Variants in TMEM117 observed in about 807,000 individuals in gnomAD.
TMEM117 encodes transmembrane protein 117.
TMEM117 carries 27 observed loss-of-function variants against 52.4 expected under a neutral mutation model. The observed-to-expected ratio is 0.51, with a 90% CI of 0.38 to 0.71. TMEM117 has a LOEUF of 0.71. Among genes scored for constraint, TMEM117 ranks in the 30% least tolerant of loss-of-function variants. The pLI is 0.00. For missense variants in TMEM117, 556 were observed against 630.5 expected (o/e 0.88, Z 1.26); for synonymous variants, 215 against 206.3 (o/e 1.04, Z -0.36).
At chr12:44,118,998 C>T (rs1948190910) in intron 3 of TMEM117, among the ~76,000 whole-genome samples, 1 of 152,142 alleles carries the variant, frequency 6.6e-6, no homozygotes, top group Admixed American at 6.5e-5. Context: ...TATTTTAGCT[C>T]ATCTGTACTC....
chr12:44,177,148 A>G (rs993064421), intron 4 of TMEM117, among the ~76,000 whole-genome samples: 1 of 152,192 alleles, frequency 6.6e-6, no homozygotes, highest in African/African-American at 2.4e-5. Flanking sequence ...TTTACGGTGC[A>G]GTACCTATCA....
At chr12:43,824,797 C>T in the TMEM117 span, among the ~76,000 whole-genome samples, 2 of 152,138 alleles carry the variant, frequency 1.3e-5, no homozygotes, top group African/African-American at 2.4e-5. Context: ...GGCATGGTGG[C>T]GGGTGCCTGT....
At chr12:43,899,637 A>ATT (rs11383405) in intron 2 of TMEM117, among the ~76,000 whole-genome samples, 7 of 151,948 alleles carry the variant, frequency 4.6e-5, no homozygotes, top group South Asian at 2.1e-4. Flanking sequence ...CTAAATTTTT[A>ATT]TTTTTTTCAA....
intron 2 of TMEM117, among the ~76,000 whole-genome samples, chr12:43,889,165 C>T (rs1426447957): frequency 2.6e-5 from 4 of 151,724 alleles, no homozygotes; most frequent in South Asian, 2.1e-4. Context: ...TCACTGCAAC[C>T]TCCGCCTCCC....
intron 3 of TMEM117, among the ~76,000 whole-genome samples, chr12:44,019,617 A>G (rs1443500703): frequency 6.6e-6 from 1 of 152,192 alleles, no homozygotes; most frequent in Non-Finnish European, 1.5e-5. Flanking sequence ...AGTTTTATGT[A>G]ATGTTATTTC....
chr12:44,238,664 C>T (rs1157981242), intron 5 of TMEM117, among the ~76,000 whole-genome samples: 1 of 152,084 alleles, frequency 6.6e-6, no homozygotes, highest in Non-Finnish European at 1.5e-5. Context: ...ACAACAACAA[C>T]AACAACAAAA....
intron 3 of TMEM117, among the ~76,000 whole-genome samples, chr12:44,138,644 T>A (rs1948526323): frequency 6.6e-6 from 1 of 152,150 alleles, no homozygotes; most frequent in South Asian, 2.1e-4. Flanking sequence ...TAGGTTCAGA[T>A]GCAATTTTAA....
intron 5 of TMEM117, among the ~76,000 whole-genome samples, chr12:44,230,743 G>A (rs1007543023): frequency 9.2e-5 from 14 of 151,918 alleles, no homozygotes; most frequent in Non-Finnish European, 2.9e-5. Flanking sequence ...GATATTATGC[G>A]TCTTTTTTCT....
At chr12:44,140,397 A>C (rs1948554604) in intron 3 of TMEM117, among the ~76,000 whole-genome samples, 1 of 152,100 alleles carries the variant, frequency 6.6e-6, no homozygotes. Flanking sequence ...AATATGAATG[A>C]TTTGGGTCAC....
intron 3 of TMEM117, among the ~76,000 whole-genome samples, chr12:44,016,410 C>T (rs984951955): frequency 1.4e-4 from 22 of 152,226 alleles, no homozygotes; most frequent in African/African-American, 5.1e-4. Context: ...CCTATGGCCA[C>T]AGCAGAGTCT....
intron 4 of TMEM117, among the ~76,000 whole-genome samples, chr12:44,152,625 TATATC>T (rs1732800175): frequency 7.8e-6 from 1 of 128,374 alleles, no homozygotes; most frequent in African/African-American, 3.0e-5. Context: ...ACATAATATT[TATATC>T]ATATATAAAT....
At chr12:43,987,671 A>G (rs1945871306) in intron 3 of TMEM117, among the ~76,000 whole-genome samples, 1 of 152,046 alleles carries the variant, frequency 6.6e-6, no homozygotes, top group African/African-American at 2.4e-5. Flanking sequence ...AATGAGTTAG[A>G]ACTTTTTCAT....
chr12:44,299,470 G>A, intron 5 of TMEM117, 110 bp from the exon 6 acceptor site: 1 of 1,394,974 alleles, frequency 7.2e-7, no homozygotes, highest in South Asian at 1.4e-5. Flanking sequence ...TATACCTTAG[G>A]GTAGGTGCTT....
chr12:44,205,538 G>A (rs1949553481), intron 4 of TMEM117, among the ~76,000 whole-genome samples: 1 of 152,004 alleles, frequency 6.6e-6, no homozygotes, highest in African/African-American at 2.4e-5. Context: ...AGAATTTATA[G>A]GGAACTTAAA....
intron 2 of TMEM117, among the ~76,000 whole-genome samples, chr12:43,900,042 G>A (rs547306391): frequency 1.3e-5 from 2 of 152,204 alleles, no homozygotes; most frequent in East Asian, 1.9e-4. Flanking sequence ...GTTTATAATC[G>A]AAGGTAAGTT....
At chr12:43,842,018 T>G (rs970240725) in intron 1 of TMEM117, among the ~76,000 whole-genome samples, 2 of 152,186 alleles carry the variant, frequency 1.3e-5, no homozygotes, top group Non-Finnish European at 2.9e-5. Context: ...GATGGGCATA[T>G]GGGAACTATT....
intron 3 of TMEM117, among the ~76,000 whole-genome samples, chr12:43,974,052 A>T (rs974516646): frequency 1.3e-5 from 2 of 152,218 alleles, no homozygotes; most frequent in Non-Finnish European, 2.9e-5. Flanking sequence ...TCATCAGACC[A>T]TAGAAAGAGG....
chr12:44,328,153 A>G (rs1327457171), intron 6 of TMEM117, among the ~76,000 whole-genome samples: 1 of 152,156 alleles, frequency 6.6e-6, no homozygotes, highest in African/African-American at 2.4e-5. Context: ...TCACTATGGA[A>G]CATTCTAAGA....
chr12:44,007,555 A>G (rs191816743), intron 3 of TMEM117, among the ~76,000 whole-genome samples: 11 of 152,158 alleles, frequency 7.2e-5, no homozygotes, highest in Admixed American at 2.6e-4. Context: ...CATAGGGGAT[A>G]CATTCTAAGA....
Sources: allele counts gnomAD v4.1 joint callset (sites outside exome capture counted in the v4.1 genomes callset), GRCh38; gene constraint gnomAD v4.1.1; transcripts MANE v1.5; gene names NCBI Gene and HGNC (gene_info 2026-07-23, HGNC 2026-07-21).